Variants in CSMD2 observed in about 807,000 individuals in gnomAD.
CSMD2 encodes the protein CUB and Sushi multiple domains 2, also known as CUB and sushi domain-containing protein 2.
CSMD2 carries 130 observed loss-of-function variants against 398.5 expected under a neutral mutation model. That is an observed-to-expected ratio of 0.33 (90% CI 0.28 to 0.38). The LOEUF (loss-of-function observed/expected upper bound fraction) is 0.38, where lower values mean the gene tolerates loss of function less well. Among genes scored for constraint, CSMD2 ranks in the 10% least tolerant of loss-of-function variants. The pLI is 1.00. For synonymous variants in CSMD2, 1,828 were observed against 1,908.5 expected (o/e 0.96, Z 1.10); for missense variants, 3,829 against 4,764.9 (o/e 0.80, Z 5.78).
chr1:34,148,542 T>C (rs1362993071), intron 1 of CSMD2, among the ~76,000 whole-genome samples: 1 of 152,246 alleles, frequency 6.6e-6, no homozygotes, highest in Non-Finnish European at 1.5e-5. Context: ...TCCACCATGC[T>C]GCAGGTACTG....
Position 33,792,473 on chromosome 1 carries a change from C to T in CSMD2, c.1500G>A (p.Leu500=). 2 of 1,614,064 alleles carry T rather than the reference C, an allele frequency of 1.2e-6. No homozygotes were observed. The highest frequency in any genetic ancestry group is 8.5e-7 in the Non-Finnish European group (1 of 1,179,964). Residue 500 remains leucine, a synonymous_variant, in exon 11 of 71, where the codon CTG becomes CTA. Coordinates refer to ENST00000373381, the MANE Select transcript of CSMD2 (RefSeq NM_001281956.2). ...EFDLERGYDT[L]TVGDGGQDGD... ...CATCCTGACCACCATCACCGACCGT[C>T]AGGGTGTCATAGCCCCTCTCCAAAT...
intron 2 of CSMD2, among the ~76,000 whole-genome samples, chr1:34,081,288 G>A (rs190080584): frequency 1.8e-3 from 270 of 152,258 alleles, no homozygotes; most frequent in African/African-American, 6.1e-3. Context: ...ATCAAGGACA[G>A]CATCTTCCAA....
chr1:34,156,168 C>T (rs115091881), intron 1 of CSMD2, among the ~76,000 whole-genome samples: 1,930 of 152,290 alleles, frequency 0.013, 48 homozygotes, highest in African/African-American at 0.044. Context: ...GAAAATAAAC[C>T]ATTAAACTGT....
chr1:33,772,358 C>G, intron 13 of CSMD2: 2 of 515,994 alleles, frequency 3.9e-6, no homozygotes, highest in Non-Finnish European at 6.9e-6. Flanking sequence ...CCCCAAATGT[C>G]AGGAGCACTT....
intron 3 of CSMD2, among the ~76,000 whole-genome samples, chr1:34,014,224 T>A (rs1481505376): frequency 6.6e-6 from 1 of 152,226 alleles, no homozygotes; most frequent in African/African-American, 2.4e-5. Context: ...CCAGTCTCCC[T>A]GTTCCCACTC....
At chr1:33,983,238 G>A (rs1464573834) in intron 3 of CSMD2, among the ~76,000 whole-genome samples, 2 of 152,138 alleles carry the variant, frequency 1.3e-5, no homozygotes, top group East Asian at 1.9e-4. Context: ...AAAAATATCC[G>A]ATGATTATTT....
At chr1:33,575,172 T>C (rs1659956563) in intron 49 of CSMD2, among the ~76,000 whole-genome samples, 1 of 152,014 alleles carries the variant, frequency 6.6e-6, no homozygotes, top group Admixed American at 6.5e-5. Context: ...TTGAGGCTTG[T>C]GGTGGAATGA....
chr1:33,693,103 GC>G, intron 24 of CSMD2, 47 bp from the exon 25 acceptor site: 1 of 1,539,460 alleles, frequency 6.5e-7, no homozygotes. Flanking sequence ...GGCCTGAGCT[GC>G]CAGCAGTCAC....
chr1:33,723,895 T>C (rs1477186968), intron 19 of CSMD2, among the ~76,000 whole-genome samples: 1 of 152,188 alleles, frequency 6.6e-6, no homozygotes, highest in Admixed American at 6.5e-5. Flanking sequence ...TGAGCTGGCG[T>C]GTTGCCATCT....
Position 33,576,834 on chromosome 1 carries a change from TTGAA to T in CSMD2, c.7576+458_7576+461del, listed in dbSNP as rs1638279742. Among the ~76,000 whole-genome samples the T allele has an allele frequency of 2.0e-5, 3 of 152,132 alleles. No homozygotes were observed. In the South Asian group the frequency reaches 6.2e-4, roughly 32 times the overall value. On this transcript the variant is annotated intron_variant, in intron 49 of 70. Coordinates refer to ENST00000373381, the MANE Select transcript of CSMD2 (RefSeq NM_001281956.2). ...TTTTTTTCTTCTTCAGATTTTTAGT[TTGAA>T]TGTATATTACTTGAAGGGAAAAAAC...
At chr1:34,092,659 G>A (rs1658741408) in intron 1 of CSMD2, among the ~76,000 whole-genome samples, 2 of 152,192 alleles carry the variant, frequency 1.3e-5, no homozygotes, top group South Asian at 4.1e-4. Context: ...ACGGCACCTG[G>A]AGAATCGGGT....
intron 3 of CSMD2, among the ~76,000 whole-genome samples, chr1:34,009,422 C>T (rs1336133640): frequency 6.6e-6 from 1 of 152,000 alleles, no homozygotes; most frequent in Non-Finnish European, 1.5e-5. Flanking sequence ...AGAGCTGAAG[C>T]CAGGAGACAC....
intron 4 of CSMD2, among the ~76,000 whole-genome samples, chr1:33,920,252 G>A (rs900811163): frequency 2.6e-5 from 4 of 152,084 alleles, no homozygotes; most frequent in African/African-American, 9.7e-5. Context: ...CCAAGGACTG[G>A]GCGCAGTGGC....
chr1:33,559,203 G>C lies in CSMD2; in HGVS notation c.8554+97C>G. 8.8e-7 allele frequency: 1 copy of C among 1,136,536 alleles called. No homozygotes were observed. The allele number at this position is 1,136,536 out of a possible 1,614,324, so 70.4% of individuals were successfully genotyped here. A position where few individuals can be genotyped will look rare whatever the true frequency, so the allele number is the denominator to read the frequency against. ...CCATCTTCCCTATCTGGATCAGAAT[G>C]ATGCCAGAATGAATTCACTGGCTTC... is the stretch of plus-strand genomic sequence containing the variant. On this transcript the variant is annotated intron_variant, in intron 54 of 70. Coordinates refer to ENST00000373381, the MANE Select transcript of CSMD2 (RefSeq NM_001281956.2). This position sits in a 1 kb window ranked among gnomAD's most constrained non-coding sequence, Gnocchi z 4.0.
chr1:33,631,739 G>T (rs1173698580), intron 32 of CSMD2, among the ~76,000 whole-genome samples: 1 of 152,152 alleles, frequency 6.6e-6, no homozygotes, highest in Non-Finnish European at 1.5e-5. Context: ...TGGATGGGAA[G>T]AAGAGTTAAT....
At chr1:34,127,601 T>G (rs571318439) in intron 1 of CSMD2, among the ~76,000 whole-genome samples, 1 of 152,220 alleles carries the variant, frequency 6.6e-6, no homozygotes, top group Non-Finnish European at 1.5e-5. Flanking sequence ...ACCAGGGTAG[T>G]CATCCTGTGA....
At chr1:33,593,208 T>C (rs1185076414) in intron 44 of CSMD2, among the ~76,000 whole-genome samples, 1 of 152,238 alleles carries the variant, frequency 6.6e-6, no homozygotes, top group Non-Finnish European at 1.5e-5. Context: ...TTTTCTTTGA[T>C]TGTTACTGTT....
rs534906223 is a variant in CSMD2, at chr1:33,611,195, T to G, written c.6189A>C (p.Glu2063Asp). Residue 2063 changes from glutamate (E) to aspartate (D), a missense_variant, in exon 41 of 71, where the codon GAA becomes GAC. This residue lies in a region of CSMD2 where 2,001 missense variants were observed against 2,567.1 expected (regional missense o/e 0.78). Transcript: ENST00000373381. ...TGGTCTCATAGGGGCCATTCCGGAT[T>G]TCTATGTAGTCGTGGTTGGGCTCGG... ...FSTEPNHDYIEIRNGPYETSR... is the reference protein window; with the variant it reads ...FSTEPNHDYIDIRNGPYETSR... The G allele has an allele frequency of 2.5e-6, 4 of 1,614,084 alleles. No homozygotes were observed. The East Asian group carries it at 8.9e-5, about 36-fold the overall frequency.
At chr1:33,768,277 T>C (rs908904921) in intron 13 of CSMD2, among the ~76,000 whole-genome samples, 4 of 152,124 alleles carry the variant, frequency 2.6e-5, no homozygotes, top group Non-Finnish European at 4.4e-5. Flanking sequence ...GTGATTTTTT[T>C]CCCCCAGGGA....
Sources: gnomAD v4.1 joint callset for allele counts (sites outside exome capture counted in the v4.1 genomes callset) on GRCh38, gnomAD v4.1.1 for gene constraint, gnomAD v4.1.1 regional missense constraint, Gnocchi (gnomAD v3.1) non-coding constraint, MANE v1.5 for transcripts, NCBI Gene and HGNC (gene_info 2026-07-23, HGNC 2026-07-21) for gene names.